SHLD1: variants seen among roughly 807,000 people sequenced by gnomAD.
SHLD1 encodes the protein RINN1-REV7-interacting novel NHEJ regulator 3.
Under a neutral mutation model 5.5 loss-of-function variants are expected in SHLD1, and 3 were observed. The ratio of observed to expected loss-of-function variants is 0.54; its 90% CI spans 0.25 to 1.40. The LOEUF is 1.40. SHLD1 is among the 40% of genes most tolerant of loss of function. SHLD1 has a pLI of 0.15. For missense variants in SHLD1, 210 were observed against 244.4 expected (o/e 0.86, Z 0.94); for synonymous variants, 92 against 94.3 (o/e 0.98, Z 0.14).
intron 2 of SHLD1, among the ~76,000 whole-genome samples, chr20:5,851,646 TTAA>T (rs1490333369): frequency 1.3e-5 from 2 of 151,898 alleles, no homozygotes; most frequent in African/African-American, 4.8e-5. Flanking sequence ...ACTATTAATT[TTAA>T]TAATATGTTT....
At chr20:5,771,428 C>T (rs1395791557) in intron 1 of SHLD1, among the ~76,000 whole-genome samples, 2 of 152,132 alleles carry the variant, frequency 1.3e-5, no homozygotes, top group African/African-American at 4.8e-5. Context: ...GTAACTGTCC[C>T]TTACTTGCAG....
intron 2 of SHLD1, among the ~76,000 whole-genome samples, chr20:5,851,519 G>A (rs1429662460): frequency 6.7e-6 from 1 of 148,854 alleles, no homozygotes; most frequent in African/African-American, 2.5e-5. Flanking sequence ...GAAAAGAGAA[G>A]TCTACACCAG....
At chr20:5,820,197 C>T (rs551794451) in intron 2 of SHLD1, among the ~76,000 whole-genome samples, 35 of 152,346 alleles carry the variant, frequency 2.3e-4, no homozygotes, top group Admixed American at 1.3e-4. Flanking sequence ...CCGCCCACCT[C>T]GGCCTCCCAA....
At chr20:5,807,222 C>T (rs1239104418) in intron 2 of SHLD1, among the ~76,000 whole-genome samples, 1 of 152,164 alleles carries the variant, frequency 6.6e-6, no homozygotes, top group East Asian at 1.9e-4. Context: ...AGTATAAATT[C>T]CTAACTTCTG....
intron 2 of SHLD1, among the ~76,000 whole-genome samples, chr20:5,779,015 C>A (rs1312331476): frequency 6.6e-6 from 1 of 152,048 alleles, no homozygotes; most frequent in Non-Finnish European, 1.5e-5. Flanking sequence ...CCAGCCTGGA[C>A]AACATGGTGA....
intron 2 of SHLD1, among the ~76,000 whole-genome samples, chr20:5,857,841 T>C (rs2088109280): frequency 6.6e-6 from 1 of 151,882 alleles, no homozygotes; most frequent in African/African-American, 2.4e-5. Flanking sequence ...GGCTCACGCC[T>C]GTAATTCTAA....
At chr20:5,807,996 G>C (rs760471828) in intron 2 of SHLD1, among the ~76,000 whole-genome samples, 19 of 152,156 alleles carry the variant, frequency 1.2e-4, no homozygotes, top group Non-Finnish European at 2.6e-4. Context: ...AAAATGAAAT[G>C]TAAGGGCGGG....
At chr20:5,780,559 G>C (rs900151252) in intron 2 of SHLD1, among the ~76,000 whole-genome samples, 13 of 152,126 alleles carry the variant, frequency 8.5e-5, no homozygotes, top group African/African-American at 3.1e-4. Flanking sequence ...AAGGAAGGGT[G>C]ACCTTAGATT....
At chr20:5,850,122 AATAAT>A (rs1185596915) in intron 2 of SHLD1, among the ~76,000 whole-genome samples, 4 of 128,086 alleles carry the variant, frequency 3.1e-5, no homozygotes, top group Non-Finnish European at 5.0e-5. Context: ...CAATAATAAT[AATAAT>A]AATAATAATA....
chr20:5,767,995 GAC>G (rs1440544842), intron 1 of SHLD1, among the ~76,000 whole-genome samples: 1 of 126,380 alleles, frequency 7.9e-6, no homozygotes, highest in Admixed American at 8.3e-5. Context: ...TTTTTTTTGA[GAC>G]AGAGTCTTGC....
rs1006917972 is a variant in SHLD1, at chr20:5,855,425, A to G, written c.179-7599A>G. On this transcript the variant is annotated intron_variant, in intron 2 of 2. Transcript: ENST00000303142. This position sits in a 1 kb window ranked among gnomAD's most constrained non-coding sequence, Gnocchi z 4.4. ...CTCGCTCTGTCACCTAGACTGGAGTACAGTGGGATGATCTTGGCTCATGGC... is the reference window on the plus strand; with the variant it reads ...CTCGCTCTGTCACCTAGACTGGAGTGCAGTGGGATGATCTTGGCTCATGGC... Among the ~76,000 whole-genome samples the G allele has an allele frequency of 3.3e-5, 5 of 152,132 alleles. No individual in the cohort carries two copies. The highest frequency in any genetic ancestry group is 2.0e-4 in the Admixed American group (3 of 15,268).
At chr20:5,750,504 G>A (rs552794865) in intron 1 of SHLD1, 25 bp downstream of exon 1, 2 of 142,346 alleles carry the variant, frequency 1.4e-5, no homozygotes, top group Non-Finnish European at 3.0e-5. Flanking sequence ...GGATGGGGGG[G>A]GGTTGGAGTG....
chr20:5,798,119 C>T (rs1339697932), intron 2 of SHLD1, among the ~76,000 whole-genome samples: 1 of 152,130 alleles, frequency 6.6e-6, no homozygotes, highest in African/African-American at 2.4e-5. Flanking sequence ...CAAGGCTGCT[C>T]ATTCACATGG....
rs939184784 is a variant in SHLD1 at position 5,855,088 on chromosome 20, G to A, written c.179-7936G>A. On this transcript the variant is annotated intron_variant, in intron 2 of 2. Coordinates refer to ENST00000303142, the MANE Select transcript of SHLD1 (RefSeq NM_152504.4). The surrounding 1 kb of genome is among the most constrained non-coding windows in gnomAD (Gnocchi z 4.4). Reference sequence around the variant, plus strand: ...AGGCAGGGTCTTGCTATGTTGCCTAGGTTGGTCTCAAACTCCTGGCTTCAA... The same window carrying A: ...AGGCAGGGTCTTGCTATGTTGCCTAAGTTGGTCTCAAACTCCTGGCTTCAA... Among the ~76,000 whole-genome samples the A allele has an allele frequency of 6.6e-6, 1 of 151,714 alleles. No individual in the cohort carries two copies. Among genetic ancestry groups the A allele is most frequent in the African/African-American group, 2.4e-5 (1 of 41,218 alleles).
intron 2 of SHLD1, among the ~76,000 whole-genome samples, chr20:5,791,053 C>A (rs56138817): frequency 0.026 from 3,977 of 152,018 alleles, 80 homozygotes; most frequent in Non-Finnish European, 0.039. Flanking sequence ...GTCCTAGCTA[C>A]TTGGGAGGCT....
chr20:5,818,446 A>G (rs758181332), intron 2 of SHLD1, among the ~76,000 whole-genome samples: 2 of 152,224 alleles, frequency 1.3e-5, no homozygotes, highest in Non-Finnish European at 2.9e-5. Flanking sequence ...CCATTGCCAG[A>G]GGCTGTTCAC....
At position 5,816,105 on chromosome 20, in the gene SHLD1, A is replaced by AG. The variant is rs1394330562; in HGVS notation, c.178+43062_178+43063insG. ...CAAAAAAACGAAAAAAAAAAAAAAA[A>AG]AAGAAAGAAAAAGAAATGGCATAAA... On this transcript the variant is annotated intron_variant, in intron 2 of 2. Transcript: ENST00000303142. Among the ~76,000 whole-genome samples the AG allele has an allele frequency of 9.4e-5, 14 of 149,274 alleles. No individual in the cohort carries two copies. The East Asian group carries it at 1.2e-3, about 12-fold the overall frequency.
chr20:5,833,327 G>T (rs959285326), intron 2 of SHLD1, among the ~76,000 whole-genome samples: 10 of 152,142 alleles, frequency 6.6e-5, no homozygotes, highest in African/African-American at 2.4e-4. Flanking sequence ...CACAACTCGG[G>T]TTTGGTGTAC....
chr20:5,852,734 G>A (rs1465365579), intron 2 of SHLD1, among the ~76,000 whole-genome samples: 2 of 152,240 alleles, frequency 1.3e-5, no homozygotes, highest in Admixed American at 1.3e-4. Flanking sequence ...ACAGGCGTGA[G>A]CCACTGCATC....
Sources: gnomAD v4.1 joint callset for allele counts (sites outside exome capture counted in the v4.1 genomes callset) on GRCh38, gnomAD v4.1.1 for gene constraint, Gnocchi (gnomAD v3.1) non-coding constraint, MANE v1.5 for transcripts, NCBI Gene and HGNC (gene_info 2026-07-23, HGNC 2026-07-21) for gene names.